FOCAD: variants seen among roughly 807,000 people sequenced by gnomAD.
The protein encoded by FOCAD is KIAA1797.
FOCAD carries 198 observed loss-of-function variants against 225.6 expected under a neutral mutation model. The observed-to-expected ratio is 0.88, with a 90% CI of 0.78 to 0.99. FOCAD has a LOEUF of 0.99. Among genes scored for constraint, FOCAD ranks in the 50% least tolerant of loss-of-function variants. The pLI is 0.00. For synonymous variants in FOCAD, 897 were observed against 755.0 expected, an observed-to-expected ratio of 1.19 and a Z score of -3.08; for missense variants, 2,713 against 2,123.6, an observed-to-expected ratio of 1.28 and a Z score of -5.46.
intron 24 of FOCAD, among the ~76,000 whole-genome samples, chr9:20,917,777 A>G (rs1833997357): frequency 6.6e-6 from 1 of 152,164 alleles, no homozygotes; most frequent in South Asian, 2.1e-4. Context: ...TTCTGTAGCT[A>G]AATAGATTTT....
rs1297890739 is a variant in FOCAD, at chr9:20,764,985, A to T, written c.611A>T (p.Gln204Leu). 1.9e-6 allele frequency: 3 copies of T among 1,614,020 alleles called. No homozygotes were observed. The highest frequency in any genetic ancestry group is 1.7e-6 in the Non-Finnish European group (2 of 1,180,018). Residue 204 changes from glutamine (Q) to leucine (L), a missense_variant, in exon 7 of 44, where the codon CAA (glutamine) becomes CTA (leucine). Transcript: ENST00000338382. ...CTAGCCCTGCTGAAAGTCTTACTTC[A>T]ACCCCAGGTTCTTTGTGACAAAGAT... ...LRLALLKVLLQPQVLCDKDQP... is the reference protein window; with the variant it reads ...LRLALLKVLLLPQVLCDKDQP...
intron 11 of FOCAD, among the ~76,000 whole-genome samples, chr9:20,799,905 T>G (rs1002123423): frequency 6.6e-6 from 1 of 152,130 alleles, no homozygotes; most frequent in Non-Finnish European, 1.5e-5. Flanking sequence ...GTTAGCTGGT[T>G]ATTTTGCTCG....
chr9:20,745,549 A>C (rs1586997100), intron 5 of FOCAD, among the ~76,000 whole-genome samples: 2 of 152,136 alleles, frequency 1.3e-5, no homozygotes. Context: ...TTTTTCCCCT[A>C]AATTTTATCA....
At chr9:20,959,202 T>TTTTG (rs796287825) in intron 35 of FOCAD, among the ~76,000 whole-genome samples, 2 of 152,124 alleles carry the variant, frequency 1.3e-5, no homozygotes, top group East Asian at 1.9e-4. Flanking sequence ...ATTTGCTGTT[T>TTTTG]TTTGTTTGTT....
At chr9:20,661,458 G>A (rs1236430692) in intron 2 of FOCAD, among the ~76,000 whole-genome samples, 2 of 152,084 alleles carry the variant, frequency 1.3e-5, no homozygotes, top group African/African-American at 4.8e-5. Context: ...GGAAAGGGAG[G>A]TGTTAAAAAT....
chr9:20,884,283 A>G (rs1466667751), intron 20 of FOCAD, among the ~76,000 whole-genome samples: 2 of 152,220 alleles, frequency 1.3e-5, no homozygotes, highest in Admixed American at 1.3e-4. Flanking sequence ...TGAGTCAATA[A>G]GTAATATACT....
intron 2 of FOCAD, among the ~76,000 whole-genome samples, chr9:20,665,180 C>T (rs1480701946): frequency 2.0e-5 from 3 of 152,070 alleles, no homozygotes; most frequent in Non-Finnish European, 4.4e-5. Flanking sequence ...AAAAACCTTG[C>T]TTGAAGTTTT....
intron 33 of FOCAD, 105 bp from the exon 34 acceptor site, chr9:20,950,891 C>A: frequency 1.1e-6 from 1 of 926,186 alleles, no homozygotes; most frequent in South Asian, 1.4e-5. Context: ...CGTTGCCAGC[C>A]AAGCCACCAC....
intron 11 of FOCAD, among the ~76,000 whole-genome samples, chr9:20,818,655 C>A (rs1393720811): frequency 6.6e-6 from 1 of 151,708 alleles, no homozygotes; most frequent in Non-Finnish European, 1.5e-5. Context: ...TTCTGGGGAT[C>A]CTTGTCAAAA....
rs900127062 is a variant in FOCAD at position 20,706,649 on chromosome 9, C to G, written c.-32-8673C>G. ...TTCCTTTTTGGCAAGTTGCTTTAAC[C>G]TCTCTGACATTGTTTCTTCATTTCT... On this transcript the variant is annotated intron_variant, in intron 1 of 43. Coordinates refer to ENST00000338382, the MANE Select transcript of FOCAD (RefSeq NM_001375567.1). 6.6e-5 allele frequency among the ~76,000 whole-genome samples: 10 copies of G among 152,190 alleles called. No homozygotes were observed. In the East Asian group the frequency reaches 9.6e-4, roughly 15 times the overall value.
At chr9:20,950,931 T>C (rs1201508563) in intron 33 of FOCAD, 65 bp from the exon 34 acceptor site, 29 of 1,400,732 alleles carry the variant, frequency 2.1e-5, no homozygotes, top group Admixed American at 1.0e-4. Context: ...TTTCTGTGAG[T>C]GACCTTTTAT....
chr9:20,710,526 G>A (rs535642386), intron 1 of FOCAD, among the ~76,000 whole-genome samples: 1 of 151,838 alleles, frequency 6.6e-6, no homozygotes, highest in African/African-American at 2.4e-5. Context: ...GAACCCAGAG[G>A]TGGAGGCTGC....
At chr9:20,672,898 T>A (rs181337688) in intron 2 of FOCAD, among the ~76,000 whole-genome samples, 2 of 152,268 alleles carry the variant, frequency 1.3e-5, no homozygotes, top group South Asian at 2.1e-4. Context: ...ATTTACAAGT[T>A]GCTTTTATTT....
chr9:20,833,800 A>G (rs1267603109), intron 15 of FOCAD, among the ~76,000 whole-genome samples: 1 of 152,154 alleles, frequency 6.6e-6, no homozygotes, highest in Non-Finnish European at 1.5e-5. Flanking sequence ...ATCACTGGTC[A>G]TTGGGAAATG....
chr9:20,862,644 A>T lies in FOCAD; in HGVS notation c.1987A>T (p.Ile663Phe). ...GCTGAGTTGTGACACAAGACCTCTC[A>T]TTCTGAAGACACTGAGTGAACTATT... ...PKLSCDTRPL[I>F]LKTLSELFSL... is the part of the protein sequence containing the mutation. Residue 663 changes from isoleucine (I) to phenylalanine (F), a missense_variant, in exon 16 of 44, where the codon ATT (isoleucine) becomes TTT (phenylalanine). Ile to Phe is a conservative substitution (Grantham distance 21). Transcript: ENST00000338382. 4 of 1,613,720 alleles carry T rather than the reference A, an allele frequency of 2.5e-6. No individual in the cohort carries two copies. Among genetic ancestry groups the T allele is most frequent in the Non-Finnish European group, 3.4e-6 (4 of 1,179,720 alleles).
chr9:20,663,902 C>T (rs1447113510), intron 2 of FOCAD, among the ~76,000 whole-genome samples: 2 of 152,004 alleles, frequency 1.3e-5, no homozygotes, highest in Non-Finnish European at 2.9e-5. Flanking sequence ...GATTATGTTT[C>T]TTTCTATTCT....
At chr9:20,938,008 T>C (rs1430001915) in intron 28 of FOCAD, among the ~76,000 whole-genome samples, 1 of 151,736 alleles carries the variant, frequency 6.6e-6, no homozygotes, top group African/African-American at 2.4e-5. Context: ...ATCAGAGAAA[T>C]GCAAATCAAA....
At chr9:20,963,839 T>G (rs535258972) in intron 35 of FOCAD, among the ~76,000 whole-genome samples, 1 of 152,180 alleles carries the variant, frequency 6.6e-6, no homozygotes, top group Admixed American at 6.5e-5. Context: ...TTAACTCCTA[T>G]CACAGCATTT....
intron 6 of FOCAD, among the ~76,000 whole-genome samples, chr9:20,760,342 A>T (rs1829470078): frequency 6.6e-6 from 1 of 152,256 alleles, no homozygotes. Context: ...TTTCTGAAAC[A>T]GTTTGAAATT....
Sources: allele counts gnomAD v4.1 joint callset (sites outside exome capture counted in the v4.1 genomes callset), GRCh38; gene constraint gnomAD v4.1.1; transcripts MANE v1.5; gene names NCBI Gene and HGNC (gene_info 2026-07-23, HGNC 2026-07-21).